The following CADPS variants were observed in gnomAD, a reference collection of about 807,000 sequenced individuals.
The protein encoded by CADPS is calcium dependent secretion activator.
A neutral mutation model predicts 167.3 loss-of-function variants in CADPS; 57 were observed. The ratio of observed to expected loss-of-function variants is 0.34; its 90% CI spans 0.28 to 0.42. CADPS has a LOEUF of 0.42. CADPS is among the 20% of genes least tolerant of loss of function. The pLI, the probability that CADPS is intolerant of heterozygous loss-of-function variation, is 1.00. For missense variants in CADPS, 1,414 were observed against 1,738.1 expected, an observed-to-expected ratio of 0.81 and a Z score of 3.32; for synonymous variants, 676 against 635.3, an observed-to-expected ratio of 1.06 and a Z score of -0.96.
chr3:62,476,307 T>G (rs1384124877), intron 23 of CADPS, among the ~76,000 whole-genome samples: 1 of 152,186 alleles, frequency 6.6e-6, no homozygotes, highest in Non-Finnish European at 1.5e-5. Flanking sequence ...CTAATGTAGA[T>G]TCTATGTATT....
chr3:62,599,854 T>TATATTTTATATATATA (rs1562719389), intron 6 of CADPS, among the ~76,000 whole-genome samples: 168 of 3,012 alleles, frequency 0.056, 4 homozygotes, highest in Non-Finnish European at 0.24. Context: ...ATATATATAA[T>TATATTTTATATATATA]ATATATAATA....
intron 21 of CADPS, among the ~76,000 whole-genome samples, chr3:62,484,819 T>C (rs148485922): frequency 1.3e-5 from 2 of 152,168 alleles, no homozygotes; most frequent in Non-Finnish European, 2.9e-5. Context: ...GCTTTAGATT[T>C]ATGGATGGGG....
At chr3:62,505,571 T>C (rs1297897891) in intron 17 of CADPS, among the ~76,000 whole-genome samples, 1 of 152,208 alleles carries the variant, frequency 6.6e-6, no homozygotes, top group Admixed American at 6.5e-5. Context: ...TCTTCTGCAG[T>C]TCATTCTCTG....
At chr3:62,800,114 A>G (rs2093675610) in intron 1 of CADPS, among the ~76,000 whole-genome samples, 1 of 152,150 alleles carries the variant, frequency 6.6e-6, no homozygotes, top group South Asian at 2.1e-4. Flanking sequence ...ACCCCCCAGG[A>G]CTTGGGGAAC....
At chr3:62,590,931 T>A (rs2085856726) in intron 7 of CADPS, among the ~76,000 whole-genome samples, 1 of 152,176 alleles carries the variant, frequency 6.6e-6, no homozygotes, top group East Asian at 1.9e-4. Flanking sequence ...CTTGGCTCAT[T>A]GCAACTTCTG....
chr3:62,686,297 C>T (rs1428566955), intron 3 of CADPS, among the ~76,000 whole-genome samples: 1 of 151,950 alleles, frequency 6.6e-6, no homozygotes, highest in Non-Finnish European at 1.5e-5. Flanking sequence ...TCTATGTCTT[C>T]CTGCAGAGGG....
At chr3:62,803,071 C>T (rs756766024) in intron 1 of CADPS, among the ~76,000 whole-genome samples, 1 of 152,074 alleles carries the variant, frequency 6.6e-6, no homozygotes, top group Non-Finnish European at 1.5e-5. Flanking sequence ...TGCTTTGCCT[C>T]CTCTTAGCAA....
Position 62,874,551 on chromosome 3 carries a change from T to A in CADPS, c.441+38A>T, listed in dbSNP as rs777829204. 1 of 1,482,150 alleles carries A rather than the reference T, an allele frequency of 6.7e-7. No homozygotes were observed. Among genetic ancestry groups the A allele is most frequent in the South Asian group, 1.2e-5 (1 of 81,622 alleles). 91.8% of individuals were successfully genotyped at this position (1,482,150 alleles called of 1,614,324 possible). On this transcript the variant is annotated intron_variant, in intron 1 of 29. Transcript: ENST00000383710. The surrounding 1 kb of genome is among the most constrained non-coding windows in gnomAD (Gnocchi z 7.1). Reference sequence around the variant, plus strand: ...TGTTCACCCCGCCCGCCTGGCGACGTCCGGGTGCTGCTCCCTGGGCCTCCC... The same window carrying A: ...TGTTCACCCCGCCCGCCTGGCGACGACCGGGTGCTGCTCCCTGGGCCTCCC...
At chr3:62,831,387 G>T (rs909927071) in intron 1 of CADPS, among the ~76,000 whole-genome samples, 1 of 152,088 alleles carries the variant, frequency 6.6e-6, no homozygotes, top group East Asian at 1.9e-4. Context: ...TTTATCCCCT[G>T]CATGAGGCTG....
rs76111433 is a variant in CADPS at position 62,686,455 on chromosome 3, C to A, written c.889-24061G>T. Among the ~76,000 whole-genome samples, 814 of 152,150 alleles carry A rather than the reference C, an allele frequency of 5.3e-3. 12 individuals carry two copies. Among genetic ancestry groups the A allele is most frequent in the African/African-American group, 0.018 (759 of 41,498 alleles). On this transcript the variant is annotated intron_variant, in intron 3 of 29. Coordinates refer to ENST00000383710, the MANE Select transcript of CADPS (RefSeq NM_003716.4). ...AATACATTTAAATGCTAAATGTGAACTAGAAAGTTATTTTCCTTGAATTTC... is the reference window on the plus strand; with the variant it reads ...AATACATTTAAATGCTAAATGTGAAATAGAAAGTTATTTTCCTTGAATTTC...
intron 14 of CADPS, among the ~76,000 whole-genome samples, chr3:62,517,594 C>T (rs969261005): frequency 3.9e-5 from 6 of 152,154 alleles, no homozygotes; most frequent in Admixed American, 6.6e-5. Flanking sequence ...ACCACCAGGA[C>T]AGCACTAAAA....
chr3:62,775,213 T>C (rs2089979456), intron 1 of CADPS, among the ~76,000 whole-genome samples: 1 of 24,678 alleles, frequency 4.1e-5, no homozygotes, highest in Admixed American at 3.2e-4. Flanking sequence ...AATTTTTGTA[T>C]TTTTGTATTT....
chr3:62,590,203 A>G (rs1480911429), intron 7 of CADPS, among the ~76,000 whole-genome samples: 2 of 151,632 alleles, frequency 1.3e-5, no homozygotes, highest in East Asian at 3.9e-4. Context: ...AAAAAAAAAA[A>G]AAATTCCAGG....
chr3:62,521,147 G>A (rs2070465226), intron 13 of CADPS, among the ~76,000 whole-genome samples: 2 of 152,122 alleles, frequency 1.3e-5, no homozygotes, highest in African/African-American at 4.8e-5. Context: ...TTGAGAACTT[G>A]CATTTCTAAC....
chr3:62,622,321 G>T (rs906628736), intron 6 of CADPS, among the ~76,000 whole-genome samples: 1 of 152,230 alleles, frequency 6.6e-6, no homozygotes, highest in East Asian at 1.9e-4. Flanking sequence ...TCCGGGGCTT[G>T]GTGCTGGGGA....
At chr3:62,516,209 T>A in intron 15 of CADPS, 27 bp from the exon 16 acceptor site, 1 of 1,612,240 alleles carries the variant, frequency 6.2e-7, no homozygotes, top group Non-Finnish European at 8.5e-7. Context: ...GAGGGATTAT[T>A]AAGAAGGTTC....
chr3:62,726,471 C>A (rs955290614), intron 3 of CADPS, among the ~76,000 whole-genome samples: 1 of 151,896 alleles, frequency 6.6e-6, no homozygotes, highest in Non-Finnish European at 1.5e-5. Context: ...GTAGATCAGG[C>A]CTTAGCCACA....
At chr3:62,493,703 A>G in intron 18 of CADPS, 38 bp from the exon 19 acceptor site, 1 of 1,543,964 alleles carries the variant, frequency 6.5e-7, no homozygotes, top group Non-Finnish European at 8.8e-7. Flanking sequence ...CAAGTCATGG[A>G]CCATTCTGCA....
At chr3:62,699,665 T>G (rs1208802555) in intron 3 of CADPS, among the ~76,000 whole-genome samples, 1 of 151,988 alleles carries the variant, frequency 6.6e-6, no homozygotes, top group African/African-American at 2.4e-5. Flanking sequence ...GCCTTCCAGG[T>G]TCTAGTGATT....
Sources: gnomAD v4.1 joint callset for allele counts (sites outside exome capture counted in the v4.1 genomes callset) on GRCh38, gnomAD v4.1.1 for gene constraint, Gnocchi (gnomAD v3.1) non-coding constraint, MANE v1.5 for transcripts, NCBI Gene and HGNC (gene_info 2026-07-23, HGNC 2026-07-21) for gene names.